ZNF385D: variants seen among roughly 807,000 people sequenced by gnomAD.
ZNF385D encodes the protein zinc finger protein 659.
ZNF385D carries 15 observed loss-of-function variants against 35.8 expected under a neutral mutation model. The observed-to-expected ratio is 0.42, with a 90% CI of 0.28 to 0.64. The LOEUF is 0.64. Among genes scored for constraint, ZNF385D ranks in the 30% least tolerant of loss-of-function variants. ZNF385D has a pLI of 0.23. For missense variants in ZNF385D, 474 were observed against 494.6 expected, an observed-to-expected ratio of 0.96 and a Z score of 0.39; for synonymous variants, 212 against 186.8, an observed-to-expected ratio of 1.13 and a Z score of -1.10.
At chr3:22,126,353 G>T in intron 3 of ZNF385D, among the ~76,000 whole-genome samples, 1 of 113,616 alleles carries the variant, frequency 8.8e-6, no homozygotes, top group African/African-American at 3.4e-5. Context: ...GTAGGCACTT[G>T]TTGCTATTAA....
intron 3 of ZNF385D, among the ~76,000 whole-genome samples, chr3:21,920,163 A>T (rs1700383430): frequency 6.6e-6 from 1 of 152,160 alleles, no homozygotes; most frequent in South Asian, 2.1e-4. Flanking sequence ...CAAAGATTAA[A>T]CTATGTACCA....
At chr3:22,295,735 T>C (rs1200319690) in intron 2 of ZNF385D, among the ~76,000 whole-genome samples, 1 of 152,102 alleles carries the variant, frequency 6.6e-6, no homozygotes, top group African/African-American at 2.4e-5. Context: ...TTCGGATGTT[T>C]TAGGCACAAA....
rs60876908 is a variant in ZNF385D at position 21,424,301 on chromosome 3, T to A, written c.853-237A>T. On this transcript the variant is annotated intron_variant, in intron 6 of 7. Coordinates refer to ENST00000281523, the MANE Select transcript of ZNF385D (RefSeq NM_024697.3). ...TATATATATACTTATATATATATAT[T>A]TATATATATATATATATTTTTTTTT... Among the ~76,000 whole-genome samples, 112 of 80,146 alleles carry A rather than the reference T, an allele frequency of 1.4e-3. 2 individuals carry two copies. Among genetic ancestry groups the A allele is most frequent in the African/African-American group, 4.3e-3 (91 of 21,340 alleles). 52.6% of individuals were successfully genotyped at this position (80,146 alleles called of 152,430 possible).
At chr3:21,618,512 C>G (rs2064912820) in intron 2 of ZNF385D, among the ~76,000 whole-genome samples, 3 of 151,978 alleles carry the variant, frequency 2.0e-5, no homozygotes, top group Admixed American at 1.3e-4. Flanking sequence ...TTATAGCACT[C>G]CTAGAAAATT....
chr3:21,706,294 A>G (rs2125399168), intron 1 of ZNF385D, among the ~76,000 whole-genome samples: 1 of 152,126 alleles, frequency 6.6e-6, no homozygotes, highest in African/African-American at 2.4e-5. Context: ...AGCTTGATTG[A>G]GATACAGTTC....
chr3:21,829,752 C>T (rs943355229), intron 3 of ZNF385D, among the ~76,000 whole-genome samples: 2 of 151,718 alleles, frequency 1.3e-5, no homozygotes, highest in Admixed American at 6.6e-5. Context: ...GAAATATATA[C>T]GGTTGGTGCA....
chr3:22,273,076 GA>G (rs562714077), intron 2 of ZNF385D, among the ~76,000 whole-genome samples: 4 of 150,922 alleles, frequency 2.7e-5, no homozygotes, highest in East Asian at 2.0e-4. Flanking sequence ...GAGAAAGAGA[GA>G]AAAAAAAGAG....
chr3:21,772,608 G>A (rs2071124359), intron 3 of ZNF385D, among the ~76,000 whole-genome samples: 1 of 151,858 alleles, frequency 6.6e-6, no homozygotes, highest in African/African-American at 2.4e-5. Flanking sequence ...CATTGTTGGT[G>A]GGAATGTAAA....
chr3:21,745,550 G>C (rs575189279), intron 1 of ZNF385D, among the ~76,000 whole-genome samples: 2 of 152,272 alleles, frequency 1.3e-5, no homozygotes, highest in African/African-American at 2.4e-5. Context: ...ACCACTTTAA[G>C]CTTTGATATT....
chr3:21,576,888 T>C (rs1249472046), intron 2 of ZNF385D, among the ~76,000 whole-genome samples: 1 of 152,218 alleles, frequency 6.6e-6, no homozygotes, highest in African/African-American at 2.4e-5. Context: ...AATTGATACA[T>C]AATATGCATA....
intron 4 of ZNF385D, among the ~76,000 whole-genome samples, chr3:21,453,475 T>C (rs1371102412): frequency 6.6e-6 from 1 of 151,950 alleles, no homozygotes; most frequent in African/African-American, 2.4e-5. Flanking sequence ...GTATCTGATA[T>C]AGGTCTAATA....
intron 2 of ZNF385D, among the ~76,000 whole-genome samples, chr3:21,575,575 T>C (rs1051377259): frequency 3.3e-5 from 5 of 152,184 alleles, no homozygotes; most frequent in African/African-American, 9.7e-5. Context: ...AAAACTCTTT[T>C]TCCCTGTGCT....
At chr3:21,466,770 T>G (rs920039179) in intron 4 of ZNF385D, among the ~76,000 whole-genome samples, 1 of 152,158 alleles carries the variant, frequency 6.6e-6, no homozygotes, top group African/African-American at 2.4e-5. Context: ...CACGCTCTTC[T>G]CCTCCCTGCC....
chr3:21,658,820 T>C (rs79076736), intron 2 of ZNF385D, among the ~76,000 whole-genome samples: 3,125 of 152,150 alleles, frequency 0.021, 118 homozygotes, highest in African/African-American at 0.069. Context: ...ACTTTGAGCA[T>C]TTAATTATAG....
chr3:22,261,094 T>A (rs764140109), intron 2 of ZNF385D, among the ~76,000 whole-genome samples: 49 of 62,080 alleles, frequency 7.9e-4, no homozygotes, highest in Admixed American at 4.4e-3. Flanking sequence ...CAACTATCTA[T>A]CCATCCATCC....
intron 3 of ZNF385D, among the ~76,000 whole-genome samples, chr3:22,045,789 G>C (rs1184677782): frequency 2.0e-5 from 3 of 151,952 alleles, no homozygotes; most frequent in Non-Finnish European, 4.4e-5. Context: ...GCGACACTAA[G>C]ATCATGACCT....
chr3:22,135,564 C>A (rs1416776150), intron 3 of ZNF385D, among the ~76,000 whole-genome samples: 1 of 152,100 alleles, frequency 6.6e-6, no homozygotes, highest in African/African-American at 2.4e-5. Context: ...TTAAATTGAT[C>A]AATGGGTTTA....
In ZNF385D at chr3:21,719,554, C is replaced by T. The variant is rs139938965; in HGVS notation, c.22+31341G>A. 5.0e-3 allele frequency among the ~76,000 whole-genome samples: 768 copies of T among 152,310 alleles called. 5 individuals are homozygous for T. Among genetic ancestry groups the T allele is most frequent in the African/African-American group, 0.018 (747 of 41,570 alleles). Reference sequence around the variant, plus strand: ...CTCATTTTAATAGTAAAAAAACACACCCCTGGGTAGAGATTTAAGATGCTA... The same window carrying T: ...CTCATTTTAATAGTAAAAAAACACATCCCTGGGTAGAGATTTAAGATGCTA... On this transcript the variant is annotated intron_variant, in intron 1 of 7. Transcript: ENST00000281523.
At chr3:22,113,650 G>A (rs952618185) in intron 3 of ZNF385D, among the ~76,000 whole-genome samples, 6 of 152,104 alleles carry the variant, frequency 3.9e-5, no homozygotes, top group African/African-American at 1.4e-4. Flanking sequence ...TGGTCTTGTT[G>A]CCAAATACTA....
Sources: allele counts gnomAD v4.1 joint callset (sites outside exome capture counted in the v4.1 genomes callset), GRCh38; gene constraint gnomAD v4.1.1; transcripts MANE v1.5; gene names NCBI Gene and HGNC (gene_info 2026-07-23, HGNC 2026-07-21).